Variants in VGLL4 observed in about 807,000 individuals in gnomAD.
VGLL4 encodes transcription cofactor vestigial-like protein 4.
A neutral mutation model predicts 21.0 loss-of-function variants in VGLL4; 7 were observed. The ratio of observed to expected loss-of-function variants is 0.33; its 90% CI spans 0.19 to 0.63. The LOEUF (loss-of-function observed/expected upper bound fraction) is 0.63, where lower values mean the gene tolerates loss of function less well. Among genes scored for constraint, VGLL4 ranks in the 20% least tolerant of loss-of-function variants. The pLI is 0.78. For missense variants in VGLL4, 394 were observed against 425.7 expected, an observed-to-expected ratio of 0.93 and a Z score of 0.66; for synonymous variants, 222 against 173.2, an observed-to-expected ratio of 1.28 and a Z score of -2.21.
At chr3:11,572,058 G>A (rs73023123) in intron 2 of VGLL4, among the ~76,000 whole-genome samples, 2,346 of 152,262 alleles carry the variant, frequency 0.015, 35 homozygotes, top group South Asian at 0.024. Context: ...AGTGAGCTGA[G>A]ATCTGCACCA....
At chr3:11,702,799 T>C (rs1053417333) in intron 2 of VGLL4, 7 of 430,184 alleles carry the variant, frequency 1.6e-5, no homozygotes, top group East Asian at 8.2e-5. Context: ...AAGACTTACA[T>C]GTTCTTGAAA....
upstream of VGLL4, among the ~76,000 whole-genome samples, chr3:11,648,769 C>T (rs1000420798): frequency 1.3e-5 from 2 of 152,180 alleles, no homozygotes; most frequent in Non-Finnish European, 2.9e-5. Context: ...ATGGCCAACA[C>T]ATTTTTGAAA....
chr3:11,570,818 G>A (rs543051621), intron 2 of VGLL4, among the ~76,000 whole-genome samples: 13 of 152,100 alleles, frequency 8.5e-5, no homozygotes, highest in Admixed American at 1.3e-4. Flanking sequence ...AAATGTCCCC[G>A]AGCTCATCCA....
At chr3:11,706,617 A>C (rs529332929) in intron 1 of VGLL4, among the ~76,000 whole-genome samples, 13 of 152,322 alleles carry the variant, frequency 8.5e-5, no homozygotes, top group African/African-American at 3.1e-4. Context: ...TGTGTTTCAA[A>C]AAGCCACTTG....
At chr3:11,606,209 TG>T (rs1217922560) in intron 1 of VGLL4, among the ~76,000 whole-genome samples, 2 of 152,110 alleles carry the variant, frequency 1.3e-5, no homozygotes, top group African/African-American at 4.8e-5. Context: ...GGGTACAGTA[TG>T]GGGGGAAACC....
intron 2 of VGLL4, among the ~76,000 whole-genome samples, chr3:11,694,578 TGCCACTGTACTCCA>T (rs2076577903): frequency 6.6e-6 from 1 of 151,172 alleles, no homozygotes; most frequent in Admixed American, 6.6e-5. Context: ...GCCAAGATTG[TGCCACTGTACTCCA>T]GCCTGGGCAA....
chr3:11,648,722 T>C (rs974293396), upstream of VGLL4, among the ~76,000 whole-genome samples: 1 of 152,232 alleles, frequency 6.6e-6, no homozygotes, highest in Non-Finnish European at 1.5e-5. Context: ...AAAAACCACT[T>C]GATCTGAATA....
intron 2 of VGLL4, among the ~76,000 whole-genome samples, chr3:11,662,966 G>T (rs867921721): frequency 2.4e-4 from 36 of 152,300 alleles, no homozygotes; most frequent in African/African-American, 7.0e-4. Context: ...CATAAACTAG[G>T]AAATAAAATT....
At chr3:11,611,592 A>G (rs943996833) in intron 1 of VGLL4, 1 of 152,242 alleles carries the variant, frequency 6.6e-6, no homozygotes, top group Non-Finnish European at 1.5e-5. Context: ...CTGACACCAA[A>G]GATGAACAGC....
At chr3:11,684,957 A>AT (rs546880884) in intron 2 of VGLL4, among the ~76,000 whole-genome samples, 39 of 151,860 alleles carry the variant, frequency 2.6e-4, no homozygotes, top group African/African-American at 8.5e-4. Context: ...CTCAATGGTT[A>AT]TTTTTTCTGA....
chr3:11,636,538 G>A (rs967801637), intron 1 of VGLL4, among the ~76,000 whole-genome samples: 2 of 152,102 alleles, frequency 1.3e-5, no homozygotes, highest in African/African-American at 4.8e-5. Context: ...CTTTTTCTAT[G>A]TATCCAAAAG....
chr3:11,581,521 C>T (rs191007902), intron 2 of VGLL4, among the ~76,000 whole-genome samples: 79 of 152,250 alleles, frequency 5.2e-4, no homozygotes, highest in South Asian at 1.5e-3. Context: ...CAGCTTCATT[C>T]GGAACAAGGA....
chr3:11,647,460 C>T (rs2075809929), upstream of VGLL4, among the ~76,000 whole-genome samples: 1 of 152,134 alleles, frequency 6.6e-6, no homozygotes, highest in Non-Finnish European at 1.5e-5. Flanking sequence ...ATCCAAAATA[C>T]TTGGACCAGA....
intron 1 of VGLL4, among the ~76,000 whole-genome samples, chr3:11,706,653 G>GC (rs1204513828): frequency 5.3e-5 from 8 of 152,270 alleles, no homozygotes; most frequent in African/African-American, 1.4e-4. Flanking sequence ...CGGTTGCCCT[G>GC]CCCCAGGCAG....
At chr3:11,608,547 C>T (rs1281315620) in intron 1 of VGLL4, among the ~76,000 whole-genome samples, 1 of 152,132 alleles carries the variant, frequency 6.6e-6, no homozygotes, top group Non-Finnish European at 1.5e-5. Context: ...AGAGAATCAC[C>T]TCGCTTTATG....
intron 2 of VGLL4, among the ~76,000 whole-genome samples, chr3:11,650,556 T>G (rs2075855546): frequency 6.6e-6 from 1 of 152,308 alleles, no homozygotes; most frequent in African/African-American, 2.4e-5. Flanking sequence ...TAACATAACA[T>G]CTCCAAATAC....
chr3:11,662,037 T>C (rs2076046210), intron 2 of VGLL4, among the ~76,000 whole-genome samples: 1 of 152,184 alleles, frequency 6.6e-6, no homozygotes, highest in South Asian at 2.1e-4. Context: ...AAGGAGCACA[T>C]GACTCACAGA....
chr3:11,682,860 C>T (rs1191584375), intron 2 of VGLL4, among the ~76,000 whole-genome samples: 2 of 152,092 alleles, frequency 1.3e-5, no homozygotes. Context: ...TCCATTCCTA[C>T]AGGCCTAAAT....
intron 2 of VGLL4, among the ~76,000 whole-genome samples, chr3:11,649,876 C>G (rs2075842741): frequency 6.6e-6 from 1 of 151,730 alleles, no homozygotes; most frequent in Non-Finnish European, 1.5e-5. Flanking sequence ...AAAACTCCCC[C>G]ACAGCACACA....
Sources: gnomAD v4.1 joint callset for allele counts (sites outside exome capture counted in the v4.1 genomes callset) on GRCh38, gnomAD v4.1.1 for gene constraint, MANE v1.5 for transcripts, NCBI Gene and HGNC (gene_info 2026-07-23, HGNC 2026-07-21) for gene names.